The following ATP1B3 variants were observed in gnomAD, a reference collection of about 807,000 sequenced individuals.
The protein encoded by ATP1B3 is sodium/potassium-transporting ATPase subunit beta-3.
Under a neutral mutation model 30.2 loss-of-function variants are expected in ATP1B3, and 10 were observed. That is an observed-to-expected ratio of 0.33 (90% CI 0.20 to 0.56). ATP1B3 has a LOEUF of 0.56. ATP1B3 is among the 20% of genes least tolerant of loss of function. The pLI is 0.90. For missense variants in ATP1B3, 238 were observed against 336.7 expected (o/e 0.71, Z 2.29); for synonymous variants, 113 against 117.0 (o/e 0.97, Z 0.22).
intron 1 of ATP1B3, among the ~76,000 whole-genome samples, chr3:141,879,909 A>G (rs1577954253): frequency 8.8e-6 from 1 of 113,748 alleles, no homozygotes; most frequent in Non-Finnish European, 1.7e-5. Context: ...ATCAAATTTT[A>G]TGTAGGTGGT....
rs11449206 is a variant in ATP1B3, at chr3:141,910,775, G to GCCC, written c.347-2871_347-2869dup. ...CCCACTGTTTCTTGGCTCTTGCCCTGCCCCCCCCTTTTTTTTAATTATTTT... is the reference window on the plus strand; with the variant it reads ...CCCACTGTTTCTTGGCTCTTGCCCTGCCCCCCCCCCCTTTTTTTTAATTATTTT... On this transcript the variant is annotated intron_variant, in intron 3 of 6. Coordinates refer to ENST00000286371, the MANE Select transcript of ATP1B3 (RefSeq NM_001679.4). Among the ~76,000 whole-genome samples the GCCC allele has an allele frequency of 1.8e-3, 258 of 144,864 alleles. 2 individuals are homozygous for GCCC. The highest frequency in any genetic ancestry group is 6.1e-3 in the African/African-American group (236 of 38,442).
chr3:141,902,632 A>G (rs966707285), intron 1 of ATP1B3, among the ~76,000 whole-genome samples: 5 of 152,316 alleles, frequency 3.3e-5, no homozygotes, highest in Admixed American at 6.5e-5. Context: ...TTCAGGATAG[A>G]TCTATCTTAG....
intron 2 of ATP1B3, among the ~76,000 whole-genome samples, chr3:141,904,813 G>A (rs1376314894): frequency 1.4e-5 from 2 of 146,654 alleles, no homozygotes; most frequent in Admixed American, 7.0e-5. Context: ...GGGTTCAAGC[G>A]ATTCTCCTGC....
chr3:141,907,349 G>A, intron 3 of ATP1B3, 75 bp downstream of exon 3: 3 of 1,224,278 alleles, frequency 2.5e-6, no homozygotes, highest in South Asian at 1.4e-5. Context: ...GCCGGGCACG[G>A]TAGCTCACGC....
At chr3:141,877,448 C>T (rs990758384) in intron 1 of ATP1B3, 3 of 152,402 alleles carry the variant, frequency 2.0e-5, no homozygotes, top group African/African-American at 7.2e-5. Flanking sequence ...AAGAGTGCGA[C>T]TGAGTGTTAA....
rs1006827976 is a variant in ATP1B3 at position 141,913,683 on chromosome 3, A to G, written c.378A>G (p.Thr126=). The part of the protein sequence containing the change: ...PYTLEEQKNL[T]VCPDGALFEQ... ...CTTTAGAAGAACAGAAGAACCTCACAGTCTGTCCTGATGGAGCACTTTTTG... is the reference window on the plus strand; with the variant it reads ...CTTTAGAAGAACAGAAGAACCTCACGGTCTGTCCTGATGGAGCACTTTTTG... The change falls in exon 4 of 7, where the codon ACA becomes ACG. Residue 126 remains threonine, a synonymous_variant. Transcript: ENST00000286371. 8.7e-6 allele frequency: 14 copies of G among 1,612,836 alleles called. No homozygotes were observed. The African/African-American group carries it at 1.5e-4, about 17-fold the overall frequency.
intron 1 of ATP1B3, among the ~76,000 whole-genome samples, chr3:141,897,999 T>C (rs1323570771): frequency 6.6e-6 from 1 of 152,222 alleles, no homozygotes; most frequent in Non-Finnish European, 1.5e-5. Flanking sequence ...CATGAGCCAC[T>C]GTGCCTGGCC....
At chr3:141,923,277 C>CA (rs35588152) in intron 6 of ATP1B3, among the ~76,000 whole-genome samples, 110 of 144,768 alleles carry the variant, frequency 7.6e-4, no homozygotes, top group East Asian at 1.6e-3. Context: ...GACTCTATCT[C>CA]AAAAAAAAAA....
In ATP1B3 at chr3:141,876,730, G is replaced by C; in HGVS notation, c.-72G>C. On this transcript the variant is annotated 5_prime_UTR_variant, in exon 1 of 7. Transcript: ENST00000286371. ...TCTCCGGGCTGCGCCGCCGGAGCCGGGACGCGCCTCCGCAGCCCTCGCCGC... is the reference window on the plus strand; with the variant it reads ...TCTCCGGGCTGCGCCGCCGGAGCCGCGACGCGCCTCCGCAGCCCTCGCCGC... 4.1e-6 allele frequency: 5 copies of C among 1,226,244 alleles called. No homozygotes were observed. Among genetic ancestry groups the C allele is most frequent in the South Asian group, 3.8e-5 (3 of 78,180 alleles). The allele number at this position is 1,226,244 out of a possible 1,614,324, so 76.0% of individuals were successfully genotyped here.
At chr3:141,904,709 T>C (rs1934231907) in intron 2 of ATP1B3, among the ~76,000 whole-genome samples, 1 of 143,184 alleles carries the variant, frequency 7.0e-6, no homozygotes, top group Non-Finnish European at 1.5e-5. Context: ...CAGTCTTTTT[T>C]TTTTTTTTTT....
rs1353499437 is a variant in ATP1B3, at chr3:141,921,722, C to G, written c.583-255C>G. The G allele has an allele frequency of 2.2e-5, 5 of 227,316 alleles. No individual in the cohort carries two copies. The East Asian group carries it at 6.7e-4, about 31-fold the overall frequency. 14.1% of individuals were successfully genotyped at this position (227,316 alleles called of 1,614,324 possible). Reference sequence around the variant, plus strand: ...GAGTACATGAGTTAAAGAAGGGACTCTCATGAAAGAGAGTATAGAGTGTAT... The same window carrying G: ...GAGTACATGAGTTAAAGAAGGGACTGTCATGAAAGAGAGTATAGAGTGTAT... On this transcript the variant is annotated intron_variant, in intron 5 of 6. Transcript: ENST00000286371.
chr3:141,920,442 G>A (rs570430160), intron 5 of ATP1B3, among the ~76,000 whole-genome samples: 13 of 152,064 alleles, frequency 8.5e-5, no homozygotes, highest in African/African-American at 2.2e-4. Flanking sequence ...CAGGAGAATC[G>A]CTTGAACCCG....
Position 141,876,785 on chromosome 3 carries a change from C to T in ATP1B3, c.-17C>T, listed in dbSNP as rs748912241. The T allele has an allele frequency of 3.2e-6, 5 of 1,584,604 alleles. No individual in the cohort carries two copies. In the South Asian group the frequency reaches 4.5e-5, roughly 14 times the overall value. On this transcript the variant is annotated 5_prime_UTR_variant, in exon 1 of 7. Coordinates refer to ENST00000286371, the MANE Select transcript of ATP1B3 (RefSeq NM_001679.4). ...ATCCCCGCGGCCGCAGCTCCTCTCG[C>T]CGTCCGCGCGCACACCATGACGAAG... is the stretch of plus-strand genomic sequence containing the variant.
chr3:141,882,056 T>C (rs776379843), intron 1 of ATP1B3, among the ~76,000 whole-genome samples: 69 of 152,318 alleles, frequency 4.5e-4, no homozygotes, highest in Admixed American at 3.9e-3. Flanking sequence ...TAATTCGATT[T>C]CTTTGAAATT....
At chr3:141,877,787 CT>C in intron 1 of ATP1B3, among the ~76,000 whole-genome samples, 1 of 146,442 alleles carries the variant, frequency 6.8e-6, no homozygotes, top group South Asian at 2.1e-4. Flanking sequence ...TTTAGGATGC[CT>C]TTTTTTCCTA....
intron 3 of ATP1B3, 62 bp downstream of exon 3, chr3:141,907,336 T>C: frequency 1.4e-6 from 2 of 1,421,632 alleles, no homozygotes; most frequent in Non-Finnish European, 2.0e-6. Context: ...TACCAAATTG[T>C]GGGCCGGGCA....
chr3:141,905,787 A>G (rs9878540), intron 2 of ATP1B3, among the ~76,000 whole-genome samples: 19,509 of 142,942 alleles, frequency 0.14, 1,537 homozygotes, highest in East Asian at 0.39. Context: ...GATCTATTCA[A>G]AAACACTGAA....
chr3:141,911,492 C>CT (rs60462262), intron 3 of ATP1B3, among the ~76,000 whole-genome samples: 12,371 of 140,724 alleles, frequency 0.088, 632 homozygotes, highest in Middle Eastern at 0.17. Flanking sequence ...TTATCTTGGT[C>CT]TTTTTTTTTT....
Position 141,925,652 on chromosome 3 carries a change from G to A in ATP1B3, c.791G>A (p.Arg264His), listed in dbSNP as rs1646748522. Residue 264 changes from arginine to histidine, a missense_variant, in exon 7 of 7, where the codon CGT becomes CAT. Physicochemically the swap from Arg to His is conservative, Grantham distance 29. This residue lies in a region of ATP1B3 where 50 missense variants were observed against 62.3 expected (regional missense o/e 0.80). Coordinates refer to ENST00000286371, the MANE Select transcript of ATP1B3 (RefSeq NM_001679.4). ...GCCAACCTAAAAAGTCAGGATGATC[G>A]TGACAAGTTTTTGGGACGAGTTATG... ...GSANLKSQDDRDKFLGRVMFK... is the reference protein window; with the variant it reads ...GSANLKSQDDHDKFLGRVMFK... The A allele has an allele frequency of 1.2e-6, 2 of 1,612,860 alleles. No individual in the cohort carries two copies. The highest frequency in any genetic ancestry group is 1.7e-5 in the Admixed American group (1 of 59,980).
Sources: allele counts gnomAD v4.1 joint callset (sites outside exome capture counted in the v4.1 genomes callset), GRCh38; gene constraint gnomAD v4.1.1; regional missense constraint gnomAD v4.1.1; transcripts MANE v1.5; gene names NCBI Gene and HGNC (gene_info 2026-07-23, HGNC 2026-07-21).